SAMMSON: variants seen among roughly 807,000 people sequenced by gnomAD.
The protein encoded by SAMMSON is long intergenic non-protein coding RNA 1212.
intron 4 of SAMMSON, among the ~76,000 whole-genome samples, chr3:70,190,985 A>G (rs1320364547): frequency 6.6e-6 from 1 of 152,208 alleles, no homozygotes; most frequent in Non-Finnish European, 1.5e-5. Context: ...TGCCAACTAC[A>G]CAGCAGTAAT....
intron 4 of SAMMSON, among the ~76,000 whole-genome samples, chr3:70,124,770 G>A (rs1221628654): frequency 9.1e-5 from 12 of 132,548 alleles, no homozygotes; most frequent in South Asian, 2.5e-4. Flanking sequence ...AGTCAAGATC[G>A]TGCCAGTGCA....
At chr3:70,361,713 G>T (rs996387797) in intron 9 of SAMMSON, among the ~76,000 whole-genome samples, 1 of 152,138 alleles carries the variant, frequency 6.6e-6, no homozygotes, top group African/African-American at 2.4e-5. Context: ...TGTATTTTTA[G>T]CGTCACCAAC....
chr3:70,098,494 A>C (rs980853005), intron 4 of SAMMSON, among the ~76,000 whole-genome samples: 1 of 151,880 alleles, frequency 6.6e-6, no homozygotes, highest in Non-Finnish European at 1.5e-5. Flanking sequence ...CAGCCTCCCG[A>C]GTAGTTGGGA....
At chr3:70,102,283 C>A (rs537750752) in intron 4 of SAMMSON, among the ~76,000 whole-genome samples, 1 of 152,218 alleles carries the variant, frequency 6.6e-6, no homozygotes, top group East Asian at 1.9e-4. Flanking sequence ...AGCTGCTACC[C>A]AGATGAAATA....
chr3:70,036,033 G>T (rs1214055824), intron 3 of SAMMSON, among the ~76,000 whole-genome samples: 1 of 152,156 alleles, frequency 6.6e-6, no homozygotes, highest in Non-Finnish European at 1.5e-5. Flanking sequence ...ATAGATGATT[G>T]TCTTCAATGG....
intron 3 of SAMMSON, chr3:70,025,169 A>T (rs2067032566): frequency 6.6e-6 from 1 of 152,192 alleles, no homozygotes; most frequent in Non-Finnish European, 1.5e-5. Flanking sequence ...ATTTAGAGAA[A>T]AAGATATTTT....
chr3:70,398,719 C>T (rs544693010), intron 2 of SAMMSON, among the ~76,000 whole-genome samples: 3 of 152,300 alleles, frequency 2.0e-5, no homozygotes, highest in East Asian at 3.9e-4. Context: ...ACTTTCACTT[C>T]ATCAACCAGA....
chr3:70,109,651 A>G (rs988641131), intron 4 of SAMMSON, among the ~76,000 whole-genome samples: 5 of 152,164 alleles, frequency 3.3e-5, no homozygotes, highest in Non-Finnish European at 5.9e-5. Context: ...TCTGTGAGAT[A>G]CTGATCAAGA....
chr3:70,366,911 T>C (rs1183010224), intron 9 of SAMMSON, among the ~76,000 whole-genome samples: 1 of 151,752 alleles, frequency 6.6e-6, no homozygotes, highest in Non-Finnish European at 1.5e-5. Context: ...TTAATTTGCA[T>C]TTTCTTAGTG....
At chr3:70,371,167 G>A (rs1702964700) in intron 9 of SAMMSON, among the ~76,000 whole-genome samples, 1 of 151,958 alleles carries the variant, frequency 6.6e-6, no homozygotes, top group Non-Finnish European at 1.5e-5. Context: ...TGTTCCATTG[G>A]TCTTTGTGTC....
chr3:70,136,776 T>C (rs2067507413), intron 4 of SAMMSON, among the ~76,000 whole-genome samples: 1 of 152,226 alleles, frequency 6.6e-6, no homozygotes, highest in African/African-American at 2.4e-5. Context: ...CTATACTTAC[T>C]AATGCAAAGT....
At chr3:70,393,551 C>A (rs1290400887), downstream of SAMMSON, among the ~76,000 whole-genome samples, 1 of 151,906 alleles carries the variant, frequency 6.6e-6, no homozygotes, top group South Asian at 2.1e-4. Context: ...GAGGAGGAGA[C>A]AAATGAATAA....
intron 3 of SAMMSON, chr3:70,070,048 G>T (rs2067224205): frequency 6.6e-6 from 1 of 152,034 alleles, no homozygotes; most frequent in South Asian, 2.1e-4. Context: ...ATTTTAGTGA[G>T]AATCTATTCC....
chr3:70,204,292 T>C (rs193081832), intron 4 of SAMMSON, among the ~76,000 whole-genome samples: 1 of 152,184 alleles, frequency 6.6e-6, no homozygotes, highest in Non-Finnish European at 1.5e-5. Context: ...TTTATCTCAG[T>C]ACGAACAATG....
At chr3:70,197,556 A>G (rs1052222416) in intron 4 of SAMMSON, among the ~76,000 whole-genome samples, 3 of 152,168 alleles carry the variant, frequency 2.0e-5, no homozygotes, top group African/African-American at 7.2e-5. Flanking sequence ...CCCAAATACA[A>G]GGGGCTTAAG....
intron 4 of SAMMSON, among the ~76,000 whole-genome samples, chr3:70,086,703 G>T (rs188981155): frequency 6.6e-6 from 1 of 152,116 alleles, no homozygotes; most frequent in Admixed American, 6.5e-5. Context: ...GGGGCTACAG[G>T]GTTCTTGAAT....
chr3:70,055,885 A>G (rs920637102), intron 3 of SAMMSON, among the ~76,000 whole-genome samples: 1 of 151,966 alleles, frequency 6.6e-6, no homozygotes, highest in Non-Finnish European at 1.5e-5. Flanking sequence ...TGCCTAGCCA[A>G]TACCTACCTC....
At chr3:70,370,373 G>A (rs954381700) in intron 9 of SAMMSON, among the ~76,000 whole-genome samples, 10 of 151,872 alleles carry the variant, frequency 6.6e-5, no homozygotes, top group African/African-American at 1.9e-4. Context: ...TTAATTTTTC[G>A]AGAAATCTCC....
intron 4 of SAMMSON, among the ~76,000 whole-genome samples, chr3:70,181,390 C>T (rs771111398): frequency 6.6e-6 from 1 of 152,178 alleles, no homozygotes; most frequent in Non-Finnish European, 1.5e-5. Flanking sequence ...TCAGCAACCT[C>T]AGGAGTTGAA....
Sources: allele counts gnomAD v4.1 joint callset (sites outside exome capture counted in the v4.1 genomes callset), GRCh38; gene constraint gnomAD v4.1.1; transcripts MANE v1.5; gene names NCBI Gene and HGNC (gene_info 2026-07-23, HGNC 2026-07-21).